The following MPRIP variants were observed in gnomAD, a reference collection of about 807,000 sequenced individuals.
The protein encoded by MPRIP is myosin phosphatase Rho interacting protein, also known as myosin phosphatase Rho-interacting protein.
In MPRIP, 59 loss-of-function variants were observed where a neutral mutation model predicts 234.9. The ratio of observed to expected loss-of-function variants is 0.25; its 90% CI spans 0.20 to 0.31. The LOEUF (loss-of-function observed/expected upper bound fraction) is 0.31. Ranked by LOEUF, MPRIP falls within the 10% of genes least tolerant of loss-of-function variation. The pLI is 1.00. For missense variants in MPRIP, 2,436 were observed against 3,071.0 expected (o/e 0.79, Z 4.89); for synonymous variants, 1,144 against 1,263.9 (o/e 0.91, Z 2.01).
intron 3 of MPRIP, among the ~76,000 whole-genome samples, chr17:17,115,073 CCA>C (rs2090257089): frequency 6.6e-6 from 1 of 152,256 alleles, no homozygotes; most frequent in South Asian, 2.1e-4. Context: ...GGGGCGAGGC[CCA>C]CACTGCATTG....
At chr17:17,102,686 G>A (rs1167533279) in intron 3 of MPRIP, among the ~76,000 whole-genome samples, 2 of 152,130 alleles carry the variant, frequency 1.3e-5, no homozygotes, top group Non-Finnish European at 2.9e-5. Flanking sequence ...GCTGACACAG[G>A]TACCCCTCAC....
At chr17:17,120,756 G>C (rs2090373797) in intron 3 of MPRIP, among the ~76,000 whole-genome samples, 1 of 152,214 alleles carries the variant, frequency 6.6e-6, no homozygotes, top group Admixed American at 6.5e-5. Context: ...CTGGATTCCT[G>C]ACCTCTGGAG....
intron 1 of MPRIP, among the ~76,000 whole-genome samples, chr17:17,068,366 T>C (rs1260410090): frequency 6.6e-6 from 1 of 152,052 alleles, no homozygotes; most frequent in African/African-American, 2.4e-5. Context: ...GTCAGGCTGG[T>C]CTCGAACTCC....
chr17:17,081,833 G>C (rs1052229452), intron 3 of MPRIP, among the ~76,000 whole-genome samples: 4 of 152,126 alleles, frequency 2.6e-5, no homozygotes, highest in Admixed American at 2.6e-4. Flanking sequence ...ATACACCCAC[G>C]TACCCTGTAA....
Position 17,078,871 on chromosome 17 carries a change from G to A in MPRIP, c.267+795G>A, listed in dbSNP as rs375212450. Among the ~76,000 whole-genome samples the A allele has an allele frequency of 6.6e-6, 1 of 152,168 alleles. No individual in the cohort carries two copies. Among genetic ancestry groups the A allele is most frequent in the East Asian group, 1.9e-4 (1 of 5,190 alleles). On this transcript the variant is annotated intron_variant, in intron 3 of 23. Coordinates refer to ENST00000651222, the MANE Select transcript of MPRIP (RefSeq NM_001364716.4). The surrounding 1 kb of genome is among the most constrained non-coding windows in gnomAD (Gnocchi z 4.3). The stretch of plus-strand genomic sequence containing the variant: ...TGATCGCCTTTTCCAGTTCCACTTG[G>A]TGGGTGAATGTTTGTGTGCCCATAT...
intron 1 of MPRIP, among the ~76,000 whole-genome samples, chr17:17,065,042 C>T (rs2088979701): frequency 6.6e-6 from 1 of 152,002 alleles, no homozygotes; most frequent in African/African-American, 2.4e-5. Context: ...ATAAGATGTT[C>T]ATAAATAGCA....
intron 8 of MPRIP, 106 bp downstream of exon 8, chr17:17,142,871 C>A: frequency 7.6e-7 from 1 of 1,318,704 alleles, no homozygotes; most frequent in Non-Finnish European, 1.0e-6. Context: ...GTGCTCCTGC[C>A]AGGCTTCTCT....
intron 3 of MPRIP, among the ~76,000 whole-genome samples, chr17:17,086,511 G>A (rs1310728436): frequency 1.3e-5 from 2 of 152,256 alleles, no homozygotes; most frequent in East Asian, 3.8e-4. Context: ...TTCAGCAGCA[G>A]GGAGTTGGTG....
rs1456705091 is a variant in MPRIP, at chr17:17,142,784, G to A, written c.1389+19G>A. ...GAAGCGGGTGAGCTCCTGGGGCTGG[G>A]CAGCACCTCAGGGGTGGCTCGGGGG... is the stretch of plus-strand genomic sequence containing the variant. On this transcript the variant is annotated intron_variant, in intron 8 of 23. Transcript: ENST00000651222. 1 of 1,610,710 alleles carries A rather than the reference G, an allele frequency of 6.2e-7. No homozygotes were observed. Among genetic ancestry groups the A allele is most frequent in the Admixed American group, 1.7e-5 (1 of 59,946 alleles).
chr17:17,061,495 G>A (rs918668729), intron 1 of MPRIP, among the ~76,000 whole-genome samples: 52 of 152,328 alleles, frequency 3.4e-4, no homozygotes, highest in African/African-American at 1.1e-3. Flanking sequence ...CGGTTTGCAC[G>A]CATTCTGCTT....
At chr17:17,135,903 C>G (rs1163634019) in intron 5 of MPRIP, among the ~76,000 whole-genome samples, 5 of 152,276 alleles carry the variant, frequency 3.3e-5, no homozygotes, top group African/African-American at 1.2e-4. Flanking sequence ...CAGGGCTGGC[C>G]CAGACTTGGG....
rs894347937 is a variant in MPRIP at position 17,078,804 on chromosome 17, G to A, written c.267+728G>A. ...GTCTCTCCTAATTAATCTAAAGTAG[G>A]ACTGCATTCCAAACTTTGTAAAGGG... is the stretch of plus-strand genomic sequence containing the variant. On this transcript the variant is annotated intron_variant, in intron 3 of 23. Coordinates refer to ENST00000651222, the MANE Select transcript of MPRIP (RefSeq NM_001364716.4). The surrounding 1 kb of genome is among the most constrained non-coding windows in gnomAD (Gnocchi z 4.3). Among the ~76,000 whole-genome samples the A allele has an allele frequency of 3.9e-5, 6 of 152,184 alleles. No homozygotes were observed. Among genetic ancestry groups the A allele is most frequent in the Admixed American group, 1.3e-4 (2 of 15,284 alleles).
intron 3 of MPRIP, among the ~76,000 whole-genome samples, chr17:17,111,671 G>A (rs2090174202): frequency 1.3e-5 from 2 of 152,164 alleles, no homozygotes; most frequent in South Asian, 2.1e-4. Context: ...AGACTCTTCT[G>A]CCTGTTAAAC....
Position 17,167,793 on chromosome 17 carries a change from G to A in MPRIP, c.6202G>A (p.Glu2068Lys). Residue 2068 changes from glutamate to lysine, a missense_variant, in exon 16 of 24, where the codon GAG (glutamate) becomes AAG (lysine). Physicochemically the swap from Glu to Lys is moderately conservative, Grantham distance 56. Transcript: ENST00000651222. This position sits in a 1 kb window ranked among gnomAD's most constrained non-coding sequence, Gnocchi z 5.9. Reference sequence around the variant, plus strand: ...GGCTGACTCCATGACGGGGCTGAGGGAGCGCATCCAGGAGCTGGAGGCCCA... The same window carrying A: ...GGCTGACTCCATGACGGGGCTGAGGAAGCGCATCCAGGAGCTGGAGGCCCA... ...GEADSMTGLR[E>K]RIQELEAQMD... The A allele has an allele frequency of 7.7e-7, 1 of 1,304,260 alleles. No homozygotes were observed. The highest frequency in any genetic ancestry group is 1.0e-6 in the Non-Finnish European group (1 of 988,978). 80.8% of individuals were successfully genotyped at this position (1,304,260 alleles called of 1,614,324 possible).
chr17:17,112,004 G>A (rs901893158), intron 3 of MPRIP, among the ~76,000 whole-genome samples: 2 of 152,126 alleles, frequency 1.3e-5, no homozygotes, highest in Non-Finnish European at 2.9e-5. Context: ...GACAGTCGTC[G>A]GCACCCCACA....
At chr17:17,142,457 G>A in intron 7 of MPRIP, 170 bp from the exon 8 acceptor site, 1 of 682,640 alleles carries the variant, frequency 1.5e-6, no homozygotes, top group Non-Finnish European at 2.4e-6. Context: ...GGGCCGTGGA[G>A]GGGTGCAGGC....
At chr17:17,113,660 C>CGG (rs1434209863) in intron 3 of MPRIP, among the ~76,000 whole-genome samples, 1 of 152,066 alleles carries the variant, frequency 6.6e-6, no homozygotes, top group Admixed American at 6.5e-5. Flanking sequence ...GGGTATATAC[C>CGG]TACAAGTGGA....
intron 7 of MPRIP, chr17:17,141,890 T>G (rs552370636): frequency 6.6e-6 from 1 of 152,658 alleles, no homozygotes; most frequent in Admixed American, 6.5e-5. Flanking sequence ...CTCTCCCTCT[T>G]CAGTGATTAC....
At position 17,055,035 on chromosome 17, in the gene MPRIP, A is replaced by C. The variant is rs375240119; in HGVS notation, c.123+12064A>C. Among the ~76,000 whole-genome samples, 301 of 151,248 alleles carry C rather than the reference A, an allele frequency of 2.0e-3. 12 individuals carry two copies. The South Asian group carries it at 0.06, about 30-fold the overall frequency. Reference sequence around the variant, plus strand: ...ACTGCACTCCAACCTGGGTAATAGAACGAGACCCTGTATCAAAAAAAAAAA... The same window carrying C: ...ACTGCACTCCAACCTGGGTAATAGACCGAGACCCTGTATCAAAAAAAAAAA... On this transcript the variant is annotated intron_variant, in intron 1 of 23. Transcript: ENST00000651222.
Sources: gnomAD v4.1 joint callset for allele counts (sites outside exome capture counted in the v4.1 genomes callset) on GRCh38, gnomAD v4.1.1 for gene constraint, Gnocchi (gnomAD v3.1) non-coding constraint, MANE v1.5 for transcripts, NCBI Gene and HGNC (gene_info 2026-07-23, HGNC 2026-07-21) for gene names.